The following C3orf18 variants were observed in gnomAD, a reference collection of about 807,000 sequenced individuals.
C3orf18 encodes uncharacterized protein C3orf18.
Under a neutral mutation model 14.1 loss-of-function variants are expected in C3orf18, and 12 were observed. The ratio of observed to expected loss-of-function variants is 0.85; its 90% CI spans 0.55 to 1.38. C3orf18 has a LOEUF of 1.38. C3orf18 is among the 40% of genes most tolerant of loss of function. The probability of loss-of-function intolerance (pLI) is 0.00; values close to 1 mark genes in which losing one functional copy is unlikely to be tolerated. For synonymous variants in C3orf18, 82 were observed against 87.9 expected (o/e 0.93, Z 0.38); for missense variants, 196 against 213.9 (o/e 0.92, Z 0.52).
chr3:50,568,725 C>CAAA (rs66828816), upstream of C3orf18, among the ~76,000 whole-genome samples: 5 of 84,014 alleles, frequency 6.0e-5, no homozygotes, highest in African/African-American at 1.8e-4. Flanking sequence ...AACTCCGTCT[C>CAAA]AAAAAAAAAA....
In C3orf18 at chr3:50,565,624, C is replaced by T; in HGVS notation, c.76G>A (p.Ala26Thr). 1.2e-6 allele frequency: 2 copies of T among 1,613,708 alleles called. No individual in the cohort carries two copies. The highest frequency in any genetic ancestry group is 2.2e-5 in the East Asian group (1 of 44,872). ...GTCTCGGAGGCTGGCCCATCTGTGG[C>T]AGGTTCCAGGTCAGACTCAGAGGTG... is the stretch of plus-strand genomic sequence containing the variant. ...PPTSESDLEPATDGPASETTT... is the reference protein window; with the variant it reads ...PPTSESDLEPTTDGPASETTT... Residue 26 changes from alanine (A) to threonine (T), a missense_variant, in exon 3 of 6, where the codon GCC becomes ACC. By Grantham distance (58) the Ala-to-Thr change is moderately conservative. Coordinates refer to ENST00000357203, the MANE Select transcript of C3orf18 (RefSeq NM_016210.5). This position sits in a 1 kb window ranked among gnomAD's most constrained non-coding sequence, Gnocchi z 4.4.
rs773868596 is a variant in C3orf18 at position 50,560,964 on chromosome 3, C to T, written c.361G>A (p.Ala121Thr). 9 of 1,613,976 alleles carry T rather than the reference C, an allele frequency of 5.6e-6. No homozygotes were observed. The highest frequency in any genetic ancestry group is 4.0e-5 in the African/African-American group (3 of 74,942). ...EQELLEHGRDAASVQAATSVQ... is the reference protein window; with the variant it reads ...EQELLEHGRDTASVQAATSVQ... Reference sequence around the variant, plus strand: ...GAAGTAGCAGCCTGTACAGAGGCGGCGTCCCGCCCATGCTCCAGCAGCTCC... The same window carrying T: ...GAAGTAGCAGCCTGTACAGAGGCGGTGTCCCGCCCATGCTCCAGCAGCTCC... The change falls in exon 5 of 6, where the codon GCC becomes ACC. Residue 121 changes from alanine to threonine, a missense_variant. Physicochemically the swap from Ala to Thr is moderately conservative, Grantham distance 58. Transcript: ENST00000357203.
upstream of C3orf18, chr3:50,571,318 C>G: frequency 1.3e-6 from 2 of 1,593,954 alleles, no homozygotes; most frequent in Non-Finnish European, 1.7e-6. Context: ...GGCTCATGTC[C>G]TTGGAGCCAA....
rs977605340 is a variant in C3orf18 at position 50,558,059 on chromosome 3, C to G, written c.*1598G>C. ...ACATCTTCATTACATCTTTAATGCT[C>G]TCACGTGGAGCTGCTCTGGGTTAAA... On this transcript the variant is annotated 3_prime_UTR_variant, in exon 6 of 6. Transcript: ENST00000357203. 1 of 153,012 alleles carries G rather than the reference C, an allele frequency of 6.5e-6. No individual in the cohort carries two copies. The highest frequency in any genetic ancestry group is 2.4e-5 in the African/African-American group (1 of 41,458). 9.5% of individuals were successfully genotyped at this position (153,012 alleles called of 1,614,324 possible). A position where few individuals can be genotyped will look rare whatever the true frequency, so the allele number is the denominator to read the frequency against.
Position 50,567,655 on chromosome 3 carries a change from C to T in C3orf18, c.-444G>A, listed in dbSNP as rs1700421557. On this transcript the variant is annotated 5_prime_UTR_variant, in exon 1 of 6. Transcript: ENST00000357203. ...CACCAGCCGCATCCGCGAGCGCTGG[C>T]TCTGCCGGCCTGAGCTAGGGTGGGT... 1 of 152,246 alleles carries T rather than the reference C, an allele frequency of 6.6e-6. No individual in the cohort carries two copies. Among genetic ancestry groups the T allele is most frequent in the African/African-American group, 2.4e-5 (1 of 41,472 alleles). 9.4% of individuals were successfully genotyped at this position (152,246 alleles called of 1,614,324 possible). A position where few individuals can be genotyped will look rare whatever the true frequency, so the allele number is the denominator to read the frequency against.
upstream of C3orf18, chr3:50,572,001 C>T: frequency 1.3e-6 from 2 of 1,536,420 alleles, no homozygotes; most frequent in Admixed American, 3.8e-5. Flanking sequence ...GTCCCAAGGC[C>T]CTGGAGACAT....
chr3:50,567,772 G>GC (rs1238194876), upstream of C3orf18: 1 of 152,420 alleles, frequency 6.6e-6, no homozygotes, highest in Non-Finnish European at 1.5e-5. Context: ...CACGCTCCGC[G>GC]CCCCCGGCCT....
At chr3:50,571,884 G>A (rs2107386861), upstream of C3orf18, 1 of 1,445,158 alleles carries the variant, frequency 6.9e-7, no homozygotes, top group Non-Finnish European at 9.7e-7. Flanking sequence ...GTTCAGGGAG[G>A]AGGAGAATGT....
chr3:50,568,756 A>G (rs1295251521), upstream of C3orf18, among the ~76,000 whole-genome samples: 1 of 151,502 alleles, frequency 6.6e-6, no homozygotes, highest in East Asian at 1.9e-4. Context: ...AGAAAAAAAG[A>G]AAAAAAAAGT....
At position 50,565,521 on chromosome 3, in the gene C3orf18, C is replaced by T. The variant is rs1206413474; in HGVS notation, c.179G>A (p.Gly60Asp). Residue 60 changes from glycine (G) to aspartate (D), a missense_variant, in exon 3 of 6, where the codon GGT (glycine) becomes GAT (aspartate). Gly to Asp is a moderately conservative substitution (Grantham distance 94, BLOSUM62 -1). Transcript: ENST00000357203. This position sits in a 1 kb window ranked among gnomAD's most constrained non-coding sequence, Gnocchi z 4.4. The stretch of plus-strand genomic sequence containing the variant: ...GATCCCAAAGGACAGAAGCATGGTA[C>T]CCACGCCGGCCGTGCCACCAGCTGC... ...PDAAGGTAGV[G>D]TMLLSFGIIT... The T allele has an allele frequency of 1.2e-6, 2 of 1,613,930 alleles. No individual in the cohort carries two copies. Among genetic ancestry groups the T allele is most frequent in the South Asian group, 1.1e-5 (1 of 91,072 alleles).
At chr3:50,571,405 C>T, upstream of C3orf18, 1 of 1,169,672 alleles carries the variant, frequency 8.5e-7, no homozygotes, top group Non-Finnish European at 1.2e-6. Context: ...TCCAGGTTTT[C>T]TGTTCACTAA....
intron 1 of C3orf18, among the ~76,000 whole-genome samples, chr3:50,566,842 C>T (rs1483639015): frequency 1.3e-5 from 2 of 152,160 alleles, no homozygotes; most frequent in African/African-American, 4.8e-5. Context: ...GAGAGATTTG[C>T]CCAGTGCAGA....
Position 50,565,693 on chromosome 3 carries a change from A to G in C3orf18, c.7T>C (p.Ser3Pro), listed in dbSNP as rs1700250367. The change falls in exon 3 of 6, where the codon TCC (serine) becomes CCC (proline). Residue 3 changes from serine to proline, a missense_variant. Physicochemically the swap from Ser to Pro is moderately conservative, Grantham distance 74. Transcript: ENST00000357203. The surrounding 1 kb of genome is among the most constrained non-coding windows in gnomAD (Gnocchi z 4.4). Reference protein sequence around the residue: MNSRTASARGWFS... With the variant: MNPRTASARGWFS... ...CAGCCCCTAGCAGATGCGGTCCTGG[A>G]GTTCATGCTGATGCGGAGAGGGCCC... 1 of 1,609,402 alleles carries G rather than the reference A, an allele frequency of 6.2e-7. No individual in the cohort carries two copies. The highest frequency in any genetic ancestry group is 2.2e-5 in the East Asian group (1 of 44,846).
chr3:50,570,367 C>T (rs4450808), upstream of C3orf18: 145,983 of 152,322 alleles, frequency 0.96, 70,275 homozygotes, highest in Middle Eastern at 1. Context: ...GCTGATGTCC[C>T]GGATTATAGG....
chr3:50,560,093 C>T (rs1440359328), intron 5 of C3orf18, among the ~76,000 whole-genome samples: 1 of 152,232 alleles, frequency 6.6e-6, no homozygotes, highest in East Asian at 1.9e-4. Flanking sequence ...GTCCCAGTGG[C>T]TGGGTGGACC....
upstream of C3orf18, chr3:50,572,120 C>T (rs1006041643): frequency 2.3e-5 from 37 of 1,613,722 alleles, 1 homozygote; most frequent in African/African-American, 6.7e-5. Flanking sequence ...TGCAGGATGC[C>T]GGTGCAGTAC....
upstream of C3orf18, chr3:50,571,020 C>T (rs1165120791): frequency 4.8e-6 from 5 of 1,050,176 alleles, no homozygotes. Context: ...GGTCCAGGGG[C>T]CACTCTCAGC....
At position 50,559,186 on chromosome 3, in the gene C3orf18, C is replaced by T; in HGVS notation, c.*471G>A. ...GGGCCCATAACAGATGCTGCCCTACCCTGTCCCTATAACTTGGGTGGTTTC... is the reference window on the plus strand; with the variant it reads ...GGGCCCATAACAGATGCTGCCCTACTCTGTCCCTATAACTTGGGTGGTTTC... On this transcript the variant is annotated 3_prime_UTR_variant, in exon 6 of 6. Coordinates refer to ENST00000357203, the MANE Select transcript of C3orf18 (RefSeq NM_016210.5). 7.8e-7 allele frequency: 1 copy of T among 1,290,006 alleles called. No individual in the cohort carries two copies. The highest frequency in any genetic ancestry group is 1.0e-6 in the Non-Finnish European group (1 of 989,142). The allele number at this position is 1,290,006 out of a possible 1,614,324, so 79.9% of individuals were successfully genotyped here.
chr3:50,564,860 G>A (rs1263025211), intron 3 of C3orf18, among the ~76,000 whole-genome samples: 2 of 152,140 alleles, frequency 1.3e-5, no homozygotes, highest in African/African-American at 4.8e-5. Context: ...TGTCCTGCTG[G>A]CTGCTCACAG....
Sources: gnomAD v4.1 joint callset for allele counts (sites outside exome capture counted in the v4.1 genomes callset) on GRCh38, gnomAD v4.1.1 for gene constraint, Gnocchi (gnomAD v3.1) non-coding constraint, MANE v1.5 for transcripts, NCBI Gene and HGNC (gene_info 2026-07-23, HGNC 2026-07-21) for gene names.